The following GNG12 variants were observed in gnomAD, a reference collection of about 807,000 sequenced individuals.
The protein encoded by GNG12 is G protein subunit gamma 12.
For missense variants in GNG12, 69 were observed against 83.8 expected (o/e 0.82, Z 0.69); for synonymous variants, 28 against 29.7 (o/e 0.94, Z 0.19).
intron 2 of GNG12, among the ~76,000 whole-genome samples, chr1:67,733,769 GA>G (rs1238193904): frequency 6.6e-6 from 1 of 152,146 alleles, no homozygotes; most frequent in Non-Finnish European, 1.5e-5. Context: ...CAGGGGAGGG[GA>G]AAGAGAAAAA....
intron 1 of GNG12, among the ~76,000 whole-genome samples, chr1:67,832,697 C>G (rs1472792671): frequency 6.6e-6 from 1 of 152,174 alleles, no homozygotes; most frequent in Non-Finnish European, 1.5e-5. Flanking sequence ...CTCGGGTCCC[C>G]ACTCGGGGGT....
chr1:67,733,601 T>C (rs1374067459), intron 2 of GNG12, among the ~76,000 whole-genome samples: 1 of 152,212 alleles, frequency 6.6e-6, no homozygotes, highest in African/African-American at 2.4e-5. Flanking sequence ...ATTTTGAAAT[T>C]CTTAAAATTT....
At chr1:67,768,613 T>C (rs1646654983) in intron 2 of GNG12, among the ~76,000 whole-genome samples, 1 of 152,238 alleles carries the variant, frequency 6.6e-6, no homozygotes, top group African/African-American at 2.4e-5. Context: ...AAGTTCACTA[T>C]GTGCAGTGTT....
At chr1:67,807,640 A>T (rs1184311929) in intron 1 of GNG12, among the ~76,000 whole-genome samples, 1 of 152,038 alleles carries the variant, frequency 6.6e-6, no homozygotes, top group Admixed American at 6.6e-5. Flanking sequence ...GGACACTACT[A>T]CAGATCCCAT....
At chr1:67,782,137 C>T (rs999773735) in intron 1 of GNG12, among the ~76,000 whole-genome samples, 1 of 152,110 alleles carries the variant, frequency 6.6e-6, no homozygotes, top group African/African-American at 2.4e-5. Flanking sequence ...GGGCTTTTGA[C>T]ACACATAAAG....
At chr1:67,783,702 A>G (rs1180077540) in intron 1 of GNG12, among the ~76,000 whole-genome samples, 2 of 152,352 alleles carry the variant, frequency 1.3e-5, no homozygotes, top group Admixed American at 1.3e-4. Context: ...GCAGCCAAAA[A>G]TCACATGAAA....
At chr1:67,708,117 CAGA>C (rs1457675039) in intron 2 of GNG12, among the ~76,000 whole-genome samples, 3 of 152,224 alleles carry the variant, frequency 2.0e-5, no homozygotes, top group Non-Finnish European at 4.4e-5. Flanking sequence ...CCTACTTTCA[CAGA>C]AGGTTTGATT....
chr1:67,808,720 T>C (rs115673863), intron 1 of GNG12, among the ~76,000 whole-genome samples: 3 of 152,230 alleles, frequency 2.0e-5, no homozygotes, highest in African/African-American at 7.2e-5. Flanking sequence ...CAAAATGAAA[T>C]GCTTAGGTAT....
chr1:67,809,793 G>A (rs994208273), intron 1 of GNG12, among the ~76,000 whole-genome samples: 4 of 152,162 alleles, frequency 2.6e-5, no homozygotes, highest in Non-Finnish European at 5.9e-5. Context: ...TGGTGAAGAT[G>A]TGGAGCAACA....
At chr1:67,777,914 G>A (rs1646715520) in intron 1 of GNG12, among the ~76,000 whole-genome samples, 1 of 152,146 alleles carries the variant, frequency 6.6e-6, no homozygotes, top group South Asian at 2.1e-4. Context: ...CAGAGGAGGA[G>A]TGTATAAGAC....
At chr1:67,725,004 A>T (rs1646378283) in intron 2 of GNG12, among the ~76,000 whole-genome samples, 2 of 152,186 alleles carry the variant, frequency 1.3e-5, no homozygotes, top group Non-Finnish European at 2.9e-5. Flanking sequence ...TATTATCTAC[A>T]ATTTCCTTCT....
chr1:67,735,509 C>T (rs1646448024), intron 2 of GNG12, among the ~76,000 whole-genome samples: 1 of 152,180 alleles, frequency 6.6e-6, no homozygotes. Flanking sequence ...CCTGCGTCCT[C>T]ATCTGCAAAA....
intron 2 of GNG12, among the ~76,000 whole-genome samples, chr1:67,724,130 C>T (rs992011023): frequency 6.6e-6 from 1 of 152,110 alleles, no homozygotes. Context: ...AGATGGTTGG[C>T]ACTGGAGCAT....
At chr1:67,819,255 G>T (rs184328341) in intron 1 of GNG12, among the ~76,000 whole-genome samples, 41 of 152,230 alleles carry the variant, frequency 2.7e-4, no homozygotes, top group African/African-American at 9.6e-4. Context: ...CAACCTGGGT[G>T]GATGGAAATG....
At chr1:67,779,277 C>T (rs914608818) in intron 1 of GNG12, among the ~76,000 whole-genome samples, 2 of 152,172 alleles carry the variant, frequency 1.3e-5, no homozygotes, top group South Asian at 4.1e-4. Flanking sequence ...ATCAGACCCC[C>T]ACATGTGAGC....
intron 2 of GNG12, among the ~76,000 whole-genome samples, chr1:67,709,409 C>T (rs2198): frequency 0.44 from 67,132 of 151,760 alleles, 16,279 homozygotes; most frequent in South Asian, 0.56. Flanking sequence ...TTTTTAGAGT[C>T]CCTGGGCAAT....
At position 67,774,004 on chromosome 1, in the gene GNG12, C is replaced by T. The variant is rs541554608; in HGVS notation, c.-27+3454G>A. ...CTTGGACTGCACTCAGCTGTCACAT[C>T]ATTCACCTGCACCGAGGCAGTCGTC... is the stretch of plus-strand genomic sequence containing the variant. On this transcript the variant is annotated intron_variant, in intron 2 of 3. Transcript: ENST00000370982. Among the ~76,000 whole-genome samples, 14 of 152,306 alleles carry T rather than the reference C, an allele frequency of 9.2e-5. 1 individual carries two copies. In the South Asian group the frequency reaches 2.9e-3, roughly 32 times the overall value.
chr1:67,712,690 T>A (rs1216369503), intron 2 of GNG12, among the ~76,000 whole-genome samples: 1 of 151,384 alleles, frequency 6.6e-6, no homozygotes, highest in Non-Finnish European at 1.5e-5. Context: ...GAGACCCCCA[T>A]TTAAAAAAAA....
intron 2 of GNG12, among the ~76,000 whole-genome samples, chr1:67,760,878 G>A (rs1282813636): frequency 6.6e-6 from 1 of 152,166 alleles, no homozygotes; most frequent in African/African-American, 2.4e-5. Context: ...TATGTATTAA[G>A]GACTCTGCTT....
Sources: gnomAD v4.1 joint callset for allele counts (sites outside exome capture counted in the v4.1 genomes callset) on GRCh38, gnomAD v4.1.1 for gene constraint, MANE v1.5 for transcripts, NCBI Gene and HGNC (gene_info 2026-07-23, HGNC 2026-07-21) for gene names.